ANXA10: variants seen among roughly 807,000 people sequenced by gnomAD.
ANXA10 encodes the protein annexin A10.
Under a neutral mutation model 53.5 loss-of-function variants are expected in ANXA10, and 49 were observed. The ratio of observed to expected loss-of-function variants is 0.92; its 90% confidence interval spans 0.73 to 1.16. The LOEUF (loss-of-function observed/expected upper bound fraction) is 1.16. ANXA10 is among the 50% of genes most tolerant of loss of function. The pLI is 0.00. For missense variants in ANXA10, 393 were observed against 394.4 expected, an observed-to-expected ratio of 1.00 and a Z score of 0.03; for synonymous variants, 131 against 128.9, an observed-to-expected ratio of 1.02 and a Z score of -0.11.
In ANXA10 at chr4:168,109,186, G is replaced by C. The variant is rs1310585827; in HGVS notation, c.18+16468G>C. ...TTTCTGCTATGTACCCATCAGATGA[G>C]AATTTCTACCAACCCTCACTTTCCA... On this transcript the variant is annotated intron_variant, in intron 1 of 11. Transcript: ENST00000359299. Among the ~76,000 whole-genome samples, 7 of 152,086 alleles carry C rather than the reference G, an allele frequency of 4.6e-5. 1 individual carries two copies. Among genetic ancestry groups the C allele is most frequent in the Admixed American group, 3.9e-4 (6 of 15,260 alleles).
At chr4:168,178,951 C>G (rs1476832413) in intron 8 of ANXA10, among the ~76,000 whole-genome samples, 1 of 152,108 alleles carries the variant, frequency 6.6e-6, no homozygotes, top group East Asian at 1.9e-4. Flanking sequence ...CAATTTAAAT[C>G]AGCAGTGAGT....
rs1730477608 is a variant in ANXA10 at position 168,092,620 on chromosome 4, A to T, written c.-81A>T. 1 of 1,380,950 alleles carries T rather than the reference A, an allele frequency of 7.2e-7. No individual in the cohort carries two copies. The highest frequency in any genetic ancestry group is 1.4e-5 in the African/African-American group (1 of 68,966). 85.5% of individuals were successfully genotyped at this position (1,380,950 alleles called of 1,614,324 possible). A position where few individuals can be genotyped will look rare whatever the true frequency, so the allele number is the denominator to read the frequency against. ...ACATTTGATTTAACAGTGAACCTTAATTCTTTCTGGCTTCACAGTGAAACA... is the reference window on the plus strand; with the variant it reads ...ACATTTGATTTAACAGTGAACCTTATTTCTTTCTGGCTTCACAGTGAAACA... On this transcript the variant is annotated 5_prime_UTR_variant, in exon 1 of 12. Transcript: ENST00000359299.
At chr4:168,184,827 G>T in intron 11 of ANXA10, 146 bp downstream of exon 11, 1 of 1,097,134 alleles carries the variant, frequency 9.1e-7, no homozygotes, top group Non-Finnish European at 1.3e-6. Flanking sequence ...CCTCTACACA[G>T]TCTTTAGAAC....
At chr4:168,098,796 GA>G (rs559759341) in intron 1 of ANXA10, among the ~76,000 whole-genome samples, 4,300 of 137,846 alleles carry the variant, frequency 0.031, 83 homozygotes, top group African/African-American at 0.052. Flanking sequence ...GAAGGAACCA[GA>G]AAAAAAAAAA....
In ANXA10 at chr4:168,181,705, A is replaced by G. The variant is rs752687381; in HGVS notation, c.747A>G (p.Pro249=). The G allele has an allele frequency of 3.7e-6, 6 of 1,604,438 alleles. No homozygotes were observed. Among genetic ancestry groups the G allele is most frequent in the Non-Finnish European group, 5.1e-6 (6 of 1,173,336 alleles). Residue 249 remains proline (P), a synonymous_variant, in exon 10 of 12, where the codon CCA becomes CCG. Coordinates refer to ENST00000359299, the MANE Select transcript of ANXA10 (RefSeq NM_007193.5). ...VAIVLCVRDK[P]AYFAYRLYSA... ...TAGTTCTCTGTGTTCGAGACAAACC[A>G]GCCTATTTTGCTTATAGATTATATA...
At chr4:168,131,801 A>G (rs1160129417) in intron 2 of ANXA10, among the ~76,000 whole-genome samples, 1 of 152,094 alleles carries the variant, frequency 6.6e-6, no homozygotes, top group Non-Finnish European at 1.5e-5. Flanking sequence ...TAAAATTAAC[A>G]TAGCTACTCC....
At chr4:168,155,646 ATACAT>A (rs1424060017) in intron 3 of ANXA10, among the ~76,000 whole-genome samples, 1 of 63,102 alleles carries the variant, frequency 1.6e-5, no homozygotes, top group African/African-American at 6.3e-5. Flanking sequence ...ATATATAATT[ATACAT>A]TATATAGTAT....
intron 2 of ANXA10, among the ~76,000 whole-genome samples, chr4:168,131,343 AT>A (rs1435614604): frequency 6.6e-6 from 1 of 151,906 alleles, no homozygotes; most frequent in Admixed American, 6.6e-5. Context: ...CATATTTTGT[AT>A]GTTTTTTATT....
intron 2 of ANXA10, among the ~76,000 whole-genome samples, chr4:168,132,521 G>A (rs1288025775): frequency 6.6e-6 from 1 of 152,004 alleles, no homozygotes; most frequent in African/African-American, 2.4e-5. Flanking sequence ...TGGTTCATGG[G>A]TACAAAAAAT....
intron 3 of ANXA10, among the ~76,000 whole-genome samples, chr4:168,141,146 A>G (rs4518204): frequency 0.33 from 49,956 of 152,022 alleles, 8,329 homozygotes; most frequent in Admixed American, 0.4. Flanking sequence ...TGTACATATA[A>G]AGTCTCAGAG....
chr4:168,185,112 C>T (rs1732341141), intron 11 of ANXA10, among the ~76,000 whole-genome samples: 1 of 151,978 alleles, frequency 6.6e-6, no homozygotes, highest in Admixed American at 6.6e-5. Context: ...TGAGATTGCG[C>T]CACTGCACTC....
chr4:168,186,363 G>A (rs774884269), intron 11 of ANXA10, among the ~76,000 whole-genome samples: 89 of 152,284 alleles, frequency 5.8e-4, no homozygotes, highest in East Asian at 1.9e-4. Flanking sequence ...CTGCTATGGT[G>A]TGCATGTTTG....
At chr4:168,148,959 GTTTTGTT>G (rs1731450237) in intron 3 of ANXA10, among the ~76,000 whole-genome samples, 1 of 151,920 alleles carries the variant, frequency 6.6e-6, no homozygotes, top group Admixed American at 6.6e-5. Flanking sequence ...TATAACTTCA[GTTTTGTT>G]TTTTGTTTTT....
intron 6 of ANXA10, among the ~76,000 whole-genome samples, chr4:168,172,785 CATT>C (rs1465331594): frequency 2.4e-5 from 3 of 124,726 alleles, no homozygotes; most frequent in Non-Finnish European, 3.3e-5. Flanking sequence ...GGTATGTTGC[CATT>C]TTTTTTTTTT....
At chr4:168,142,970 G>A (rs1731349513) in intron 3 of ANXA10, among the ~76,000 whole-genome samples, 1 of 152,132 alleles carries the variant, frequency 6.6e-6, no homozygotes, top group East Asian at 1.9e-4. Context: ...GCCCAGCCCA[G>A]GTCTGGCATA....
intron 1 of ANXA10, among the ~76,000 whole-genome samples, chr4:168,100,836 C>A (rs1256608869): frequency 6.6e-6 from 1 of 151,874 alleles, no homozygotes; most frequent in African/African-American, 2.4e-5. Context: ...ATTTGAATTA[C>A]CCTTCCCCCA....
intron 2 of ANXA10, among the ~76,000 whole-genome samples, chr4:168,137,771 A>G (rs767027280): frequency 2.6e-5 from 4 of 152,116 alleles, no homozygotes; most frequent in Non-Finnish European, 5.9e-5. Context: ...TTTTTTATAT[A>G]ATGATTACTT....
intron 1 of ANXA10, among the ~76,000 whole-genome samples, chr4:168,112,670 C>T (rs991160619): frequency 1.3e-5 from 2 of 152,038 alleles, no homozygotes; most frequent in Non-Finnish European, 2.9e-5. Context: ...TGGAATCAGA[C>T]AGATTGGGGT....
chr4:168,175,462 A>G (rs1732108754), intron 6 of ANXA10, among the ~76,000 whole-genome samples: 1 of 152,226 alleles, frequency 6.6e-6, no homozygotes, highest in Non-Finnish European at 1.5e-5. Context: ...CCTCAGAGTC[A>G]GAAATGCCAC....
Sources: allele counts gnomAD v4.1 joint callset (sites outside exome capture counted in the v4.1 genomes callset), GRCh38; gene constraint gnomAD v4.1.1; transcripts MANE v1.5; gene names NCBI Gene and HGNC (gene_info 2026-07-23, HGNC 2026-07-21).